Variants in PRKX observed in about 807,000 individuals in gnomAD.
PRKX encodes cAMP-dependent protein kinase catalytic subunit PRKX.
A neutral mutation model predicts 22.0 loss-of-function variants in PRKX; 12 were observed. The ratio of observed to expected loss-of-function variants is 0.54; its 90% confidence interval spans 0.35 to 0.88. The LOEUF is 0.88. Ranked by LOEUF, PRKX falls within the 40% of genes least tolerant of loss-of-function variation. PRKX has a pLI of 0.01. For synonymous variants in PRKX, 134 were observed against 137.7 expected (o/e 0.97, Z 0.19); for missense variants, 217 against 308.0 (o/e 0.70, Z 2.21).
At position 3,713,039 on chromosome X, in the gene PRKX, G is replaced by A. The variant is rs1173379899; in HGVS notation, c.166+49C>T. On this transcript the variant is annotated intron_variant, in intron 1 of 8. Transcript: ENST00000262848. Reference sequence around the variant, plus strand: ...CCCTTTGTCCTACTACAACGTCCCGGCCACGCCGCGCGCCCCTGTGGGCCG... The same window carrying A: ...CCCTTTGTCCTACTACAACGTCCCGACCACGCCGCGCGCCCCTGTGGGCCG... 4.5e-6 allele frequency: 5 copies of A among 1,122,383 alleles called. No individual in the cohort carries two copies. In the African/African-American group the frequency reaches 7.6e-5, roughly 17 times the overall value. 92.5% of individuals were successfully genotyped at this position (1,122,383 alleles called of 1,213,427 possible). A position where few individuals can be genotyped will look rare whatever the true frequency, so the allele number is the denominator to read the frequency against.
chrX:3,621,472 C>T (rs1926556286), intron 5 of PRKX, among the ~76,000 whole-genome samples, 156 bp from the exon 6 acceptor site: 1 of 112,316 alleles, frequency 8.9e-6, no homozygotes, highest in South Asian at 3.7e-4. Context: ...TATTTCCTAC[C>T]ATCACCGGCT....
At chrX:3,657,615 C>G (rs113329173) in intron 2 of PRKX, among the ~76,000 whole-genome samples, 142 of 112,415 alleles carry the variant, frequency 1.3e-3, no homozygotes, top group African/African-American at 4.3e-3. Flanking sequence ...ATTCAGTAAC[C>G]TGGAACTATC....
intron 5 of PRKX, among the ~76,000 whole-genome samples, chrX:3,622,233 C>T (rs972161077): frequency 9.0e-6 from 1 of 110,985 alleles, no homozygotes; most frequent in African/African-American, 3.3e-5. Flanking sequence ...ATGTTGAAGA[C>T]TTCCAGGAGA....
chrX:3,664,876 G>T lies in PRKX; in HGVS notation c.336-9464C>A, dbSNP rs1007160775. Among the ~76,000 whole-genome samples, 8 of 111,960 alleles carry T rather than the reference G, an allele frequency of 7.1e-5. No individual in the cohort carries two copies. In the Admixed American group the frequency reaches 7.6e-4, roughly 11 times the overall value. Reference sequence around the variant, plus strand: ...CTATTGGGTACAATGTTCACTATTCGGGTAAGGGGTACCCTAGAAGCCCAA... The same window carrying T: ...CTATTGGGTACAATGTTCACTATTCTGGTAAGGGGTACCCTAGAAGCCCAA... On this transcript the variant is annotated intron_variant, in intron 2 of 8. Coordinates refer to ENST00000262848, the MANE Select transcript of PRKX (RefSeq NM_005044.5).
intron 2 of PRKX, among the ~76,000 whole-genome samples, chrX:3,663,627 T>G (rs1323968158): frequency 1.2e-5 from 1 of 84,718 alleles, no homozygotes; most frequent in Non-Finnish European, 2.2e-5. Context: ...AGACCACATC[T>G]CTTAAAAAAA....
intron 2 of PRKX, among the ~76,000 whole-genome samples, chrX:3,657,906 T>C (rs921007918): frequency 8.9e-6 from 1 of 112,024 alleles, no homozygotes; most frequent in Non-Finnish European, 1.9e-5. Flanking sequence ...TTTGGAGAGA[T>C]ACGCACTGAT....
intron 4 of PRKX, among the ~76,000 whole-genome samples, chrX:3,628,815 C>A (rs1926711130): frequency 9.0e-6 from 1 of 111,128 alleles, no homozygotes; most frequent in Admixed American, 9.7e-5. Context: ...CTGAGGCAGG[C>A]AGGTCACTTT....
chrX:3,647,211 AATAT>A (rs1348246994), intron 3 of PRKX, among the ~76,000 whole-genome samples: 7 of 108,244 alleles, frequency 6.5e-5, no homozygotes, highest in South Asian at 7.6e-4. Context: ...TTTAAAAATA[AATAT>A]ATATTTATAA....
chrX:3,631,515 C>T (rs1436057938), intron 4 of PRKX, among the ~76,000 whole-genome samples: 1 of 110,731 alleles, frequency 9.0e-6, no homozygotes, highest in Non-Finnish European at 1.9e-5. Context: ...ACTGGATACA[C>T]GTGTAGTGGA....
chrX:3,664,801 G>T (rs993361101), intron 2 of PRKX, among the ~76,000 whole-genome samples: 1 of 111,727 alleles, frequency 9.0e-6, no homozygotes, highest in African/African-American at 3.3e-5. Context: ...ACAGATACGG[G>T]GACTCCCAAA....
intron 1 of PRKX, among the ~76,000 whole-genome samples, chrX:3,686,415 T>C (rs1928179731): frequency 9.2e-6 from 1 of 109,238 alleles, no homozygotes; most frequent in African/African-American, 3.3e-5. Flanking sequence ...TTTTTTTTTT[T>C]TTTTGGACAT....
At chrX:3,620,782 G>A (rs1443258660) in intron 6 of PRKX, among the ~76,000 whole-genome samples, 2 of 111,871 alleles carry the variant, frequency 1.8e-5, no homozygotes, top group South Asian at 3.7e-4. Context: ...ATAACTGAAG[G>A]GTGCAGGGTT....
In PRKX at chrX:3,633,256, G is replaced by GAAAAAAAA. The variant is rs373830482; in HGVS notation, c.720-6750_720-6743dup. ...CACAGAACAAGACCCTGTCTCAAAA[G>GAAAAAAAA]AAAAAAAAAAAAAACAAAAAAAACG... On this transcript the variant is annotated intron_variant, in intron 4 of 8. Transcript: ENST00000262848. Among the ~76,000 whole-genome samples, 2 of 59,000 alleles carry GAAAAAAAA rather than the reference G, an allele frequency of 3.4e-5. 1 individual carries two copies. The highest frequency in any genetic ancestry group is 6.8e-5 in the Non-Finnish European group (2 of 29,413). The allele number at this position is 59,000 out of a possible 115,157, so 51.2% of individuals were successfully genotyped here.
chrX:3,646,743 A>C (rs371844251), intron 3 of PRKX, among the ~76,000 whole-genome samples: 5 of 110,029 alleles, frequency 4.5e-5, no homozygotes, highest in East Asian at 2.9e-4. Context: ...GAACTGTCTG[A>C]TGGGGACAAA....
In PRKX at chrX:3,671,791, T is replaced by C. The variant is rs375421899; in HGVS notation, c.335+2807A>G. Among the ~76,000 whole-genome samples, 8 of 110,867 alleles carry C rather than the reference T, an allele frequency of 7.2e-5. No individual in the cohort carries two copies. In the East Asian group the frequency reaches 2.3e-3, roughly 32 times the overall value. On this transcript the variant is annotated intron_variant, in intron 2 of 8. Transcript: ENST00000262848. ...TCATTTGAGCCCAGGAGTTTGAGAC[T>C]AGCCTGGGCAGCAAAGTAAGATCCC...
chrX:3,656,018 G>C (rs1927473874), intron 2 of PRKX, among the ~76,000 whole-genome samples: 1 of 111,293 alleles, frequency 9.0e-6, no homozygotes, highest in Admixed American at 9.6e-5. Context: ...AGGTGTTAAT[G>C]TATGGGCATA....
At chrX:3,619,768 C>T (rs1241471242) in intron 6 of PRKX, among the ~76,000 whole-genome samples, 1 of 111,139 alleles carries the variant, frequency 9.0e-6, no homozygotes, top group Non-Finnish European at 1.9e-5. Flanking sequence ...AGTTTGTGGT[C>T]AGTTCTTATG....
intron 1 of PRKX, among the ~76,000 whole-genome samples, chrX:3,693,955 A>AG (rs1464825741): frequency 3.7e-5 from 4 of 107,795 alleles, no homozygotes; most frequent in African/African-American, 1.4e-4. Context: ...AAAAAAAAAA[A>AG]AAAAGAAAAG....
chrX:3,665,314 TA>T (rs1418711490), intron 2 of PRKX, among the ~76,000 whole-genome samples: 1 of 110,337 alleles, frequency 9.1e-6, no homozygotes, highest in Non-Finnish European at 1.9e-5. Flanking sequence ...CCATATTTAC[TA>T]AAAGTACAAA....
Sources: allele counts gnomAD v4.1 joint callset (sites outside exome capture counted in the v4.1 genomes callset), GRCh38; gene constraint gnomAD v4.1.1; transcripts MANE v1.5; gene names NCBI Gene and HGNC (gene_info 2026-07-23, HGNC 2026-07-21).